Variants in GPC6 observed in about 807,000 individuals in gnomAD.
GPC6 encodes the protein glypican-6.
A neutral mutation model predicts 55.2 loss-of-function variants in GPC6; 14 were observed. The ratio of observed to expected loss-of-function variants is 0.25; its 90% CI spans 0.17 to 0.40. GPC6 has a LOEUF of 0.40. Among genes scored for constraint, GPC6 ranks in the 10% least tolerant of loss-of-function variants. GPC6 has a pLI of 1.00. For missense variants in GPC6, 641 were observed against 708.5 expected, an observed-to-expected ratio of 0.90 and a Z score of 1.08; for synonymous variants, 278 against 259.6, an observed-to-expected ratio of 1.07 and a Z score of -0.68.
intron 4 of GPC6, among the ~76,000 whole-genome samples, chr13:94,215,313 C>G (rs1355106846): frequency 6.6e-6 from 1 of 152,112 alleles, no homozygotes; most frequent in African/African-American, 2.4e-5. Context: ...CAATCATCTG[C>G]TTCTATGAAT....
At chr13:94,000,321 A>G (rs928608317) in intron 3 of GPC6, among the ~76,000 whole-genome samples, 1 of 152,148 alleles carries the variant, frequency 6.6e-6, no homozygotes, top group African/African-American at 2.4e-5. Flanking sequence ...TTTGAAATCC[A>G]TTTATACTCT....
intron 1 of GPC6, among the ~76,000 whole-genome samples, chr13:93,498,666 T>C (rs1419073351): frequency 1.3e-5 from 2 of 152,200 alleles, no homozygotes. Context: ...CCGCCATGAA[T>C]CTGAGGCCTC....
intron 4 of GPC6, among the ~76,000 whole-genome samples, chr13:94,170,656 C>T (rs907819971): frequency 2.0e-5 from 3 of 152,198 alleles, no homozygotes; most frequent in Non-Finnish European, 4.4e-5. Flanking sequence ...TGGATTTTCA[C>T]GTTTTCAAAT....
intron 2 of GPC6, among the ~76,000 whole-genome samples, chr13:93,784,016 A>C (rs1174600194): frequency 6.6e-6 from 1 of 152,128 alleles, no homozygotes; most frequent in Non-Finnish European, 1.5e-5. Context: ...AGGGTCCTTC[A>C]TTTTACTACA....
intron 4 of GPC6, among the ~76,000 whole-genome samples, chr13:94,036,813 C>G (rs1415221956): frequency 2.0e-5 from 3 of 151,952 alleles, no homozygotes; most frequent in African/African-American, 4.8e-5. Context: ...AGCAAAATCT[C>G]TCTTTTCTAC....
chr13:93,634,070 T>C (rs564644481), intron 2 of GPC6, among the ~76,000 whole-genome samples: 3 of 152,208 alleles, frequency 2.0e-5, no homozygotes, highest in Admixed American at 6.5e-5. Flanking sequence ...AGTGAACATA[T>C]ACTTTACCCC....
At chr13:93,939,921 C>T (rs4771884) in intron 3 of GPC6, among the ~76,000 whole-genome samples, 128,785 of 152,174 alleles carry the variant, frequency 0.85, 54,578 homozygotes, top group South Asian at 0.9. Flanking sequence ...AAAAAGTTAC[C>T]TAATAGAACT....
upstream of GPC6, among the ~76,000 whole-genome samples, chr13:93,226,152 T>C (rs1013983254): frequency 6.6e-6 from 1 of 152,146 alleles, no homozygotes; most frequent in Non-Finnish European, 1.5e-5. Context: ...GGGCATCTAG[T>C]GAGAGGGAAG....
rs1345998938 is a variant in GPC6, at chr13:93,847,299, G to T, written c.711+16754G>T. On this transcript the variant is annotated intron_variant, in intron 3 of 8. Coordinates refer to ENST00000377047, the MANE Select transcript of GPC6 (RefSeq NM_005708.5). ...CACGTGTCTGTGGATGTTAGTATCA[G>T]CAGTAAACGAAATAAATAAATGCCC... Among the ~76,000 whole-genome samples the T allele has an allele frequency of 2.6e-5, 4 of 152,102 alleles. 1 individual carries two copies. The South Asian group carries it at 8.3e-4, about 32-fold the overall frequency.
intron 2 of GPC6, among the ~76,000 whole-genome samples, chr13:93,726,684 C>A (rs1252472168): frequency 6.6e-6 from 1 of 152,062 alleles, no homozygotes; most frequent in African/African-American, 2.4e-5. Flanking sequence ...AATGCCCGCC[C>A]CCTGCCTGGA....
intron 4 of GPC6, among the ~76,000 whole-genome samples, chr13:94,059,352 C>G (rs923800986): frequency 6.6e-6 from 1 of 151,976 alleles, no homozygotes; most frequent in Non-Finnish European, 1.5e-5. Context: ...GTTTTTCTCT[C>G]ACTTTCCCTT....
chr13:94,336,343 T>C (rs2139149295), intron 6 of GPC6, among the ~76,000 whole-genome samples: 1 of 152,310 alleles, frequency 6.6e-6, no homozygotes, highest in East Asian at 1.9e-4. Context: ...AGATGTTCTT[T>C]GATTCTGTCA....
In GPC6 at chr13:93,252,000, T is replaced by C. The variant is rs559081346; in HGVS notation, c.160+24384T>C. Among the ~76,000 whole-genome samples, 4 of 152,346 alleles carry C rather than the reference T, an allele frequency of 2.6e-5. No homozygotes were observed. The South Asian group carries it at 6.2e-4, about 24-fold the overall frequency. ...GTTGTTTTTACCATCAGGAGAATGATCTGTTTGATAAGTTGCTTTGATTAT... is the reference window on the plus strand; with the variant it reads ...GTTGTTTTTACCATCAGGAGAATGACCTGTTTGATAAGTTGCTTTGATTAT... On this transcript the variant is annotated intron_variant, in intron 1 of 8. Transcript: ENST00000377047.
rs1275561129 is a variant in GPC6, at chr13:93,395,134, A to G, written c.161-150129A>G. The G allele has an allele frequency of 2.5e-5, 6 of 243,088 alleles. No homozygotes were observed. The Admixed American group carries it at 2.6e-4, about 10-fold the overall frequency. The allele number at this position is 243,088 out of a possible 1,614,324, so 15.1% of individuals were successfully genotyped here. A position where few individuals can be genotyped will look rare whatever the true frequency, so the allele number is the denominator to read the frequency against. ...TGATTCCATCATTACCAAATCCATA[A>G]CAGCCATACTCACTACTACCATATC... is the stretch of plus-strand genomic sequence containing the variant. On this transcript the variant is annotated intron_variant, in intron 1 of 8. Coordinates refer to ENST00000377047, the MANE Select transcript of GPC6 (RefSeq NM_005708.5).
At chr13:93,502,445 TACCCA>T (rs1439988607) in intron 1 of GPC6, among the ~76,000 whole-genome samples, 1 of 152,164 alleles carries the variant, frequency 6.6e-6, no homozygotes, top group Admixed American at 6.6e-5. Context: ...CTTACATCTA[TACCCA>T]ACCTGTGGTT....
chr13:93,588,229 T>C (rs187362849), intron 2 of GPC6, among the ~76,000 whole-genome samples: 8 of 152,324 alleles, frequency 5.3e-5, no homozygotes, highest in African/African-American at 1.4e-4. Context: ...TTGAAGTATG[T>C]GTGTGCGTAT....
intron 6 of GPC6, among the ~76,000 whole-genome samples, chr13:94,313,928 A>C (rs1405306481): frequency 6.6e-6 from 1 of 152,168 alleles, no homozygotes; most frequent in East Asian, 1.9e-4. Context: ...CAGGCTTTAA[A>C]ATTTCTTTCA....
chr13:93,421,779 A>G (rs1876932058), intron 1 of GPC6, among the ~76,000 whole-genome samples: 1 of 152,170 alleles, frequency 6.6e-6, no homozygotes, highest in Non-Finnish European at 1.5e-5. Flanking sequence ...TTCTGACCAG[A>G]AAGTGAAAAT....
intron 2 of GPC6, among the ~76,000 whole-genome samples, chr13:93,820,430 T>C (rs141485698): frequency 1.1e-3 from 168 of 152,174 alleles, no homozygotes; most frequent in African/African-American, 3.9e-3. Context: ...TTAAATATTG[T>C]GAACATTTTT....
Sources: allele counts gnomAD v4.1 joint callset (sites outside exome capture counted in the v4.1 genomes callset), GRCh38; gene constraint gnomAD v4.1.1; transcripts MANE v1.5; gene names NCBI Gene and HGNC (gene_info 2026-07-23, HGNC 2026-07-21).